The following ITPR2 variants were observed in gnomAD, a reference collection of about 807,000 sequenced individuals.
ITPR2 encodes inositol 1,4,5-trisphosphate receptor type 2.
A neutral mutation model predicts 317.1 loss-of-function variants in ITPR2; 207 were observed. The observed-to-expected ratio is 0.65, with a 90% CI of 0.58 to 0.73. The LOEUF is 0.73. ITPR2 is among the 30% of genes least tolerant of loss of function. The pLI is 0.00. For missense variants in ITPR2, 2,613 were observed against 3,284.0 expected (o/e 0.80, Z 4.99); for synonymous variants, 1,156 against 1,149.1 (o/e 1.01, Z -0.12).
At chr12:26,540,116 C>G (rs1470172699) in intron 37 of ITPR2, among the ~76,000 whole-genome samples, 1 of 152,196 alleles carries the variant, frequency 6.6e-6, no homozygotes, top group Non-Finnish European at 1.5e-5. Context: ...CTCCTAGATT[C>G]TCAGCACTGA....
rs150495475 is a variant in ITPR2 at position 26,513,542 on chromosome 12, C to CCTCTCT, written c.5074-18288_5074-18283dup. 1.1e-4 allele frequency among the ~76,000 whole-genome samples: 17 copies of CCTCTCT among 150,016 alleles called. 1 individual carries two copies. The highest frequency in any genetic ancestry group is 8.0e-4 in the Admixed American group (12 of 15,094). On this transcript the variant is annotated intron_variant, in intron 37 of 56. Coordinates refer to ENST00000381340, the MANE Select transcript of ITPR2 (RefSeq NM_002223.4). ...CTCTTCCTCGGATACTTTGTTCAGA[C>CCTCTCT]CTCTCTCTCTCTCTCTGCAGAAACC... is the stretch of plus-strand genomic sequence containing the variant.
At chr12:26,556,480 C>T (rs1440231588) in intron 35 of ITPR2, 105 bp from the exon 36 acceptor site, 4 of 1,030,810 alleles carry the variant, frequency 3.9e-6, no homozygotes, top group African/African-American at 3.3e-5. Context: ...TATAGATGCC[C>T]CTCTATTTCC....
chr12:26,457,135 T>C (rs1240504320), intron 45 of ITPR2, among the ~76,000 whole-genome samples: 2 of 152,186 alleles, frequency 1.3e-5, no homozygotes, highest in African/African-American at 4.8e-5. Flanking sequence ...TCTATCAAAA[T>C]GTGCAAGTGC....
At chr12:26,748,214 A>G (rs1005695521) in intron 2 of ITPR2, among the ~76,000 whole-genome samples, 3 of 151,928 alleles carry the variant, frequency 2.0e-5, no homozygotes, top group African/African-American at 4.8e-5. Flanking sequence ...ACCTGCCACC[A>G]CACTCGACTA....
chr12:26,360,483 C>T (rs993764184), intron 55 of ITPR2, among the ~76,000 whole-genome samples: 1 of 152,198 alleles, frequency 6.6e-6, no homozygotes, highest in Non-Finnish European at 1.5e-5. Flanking sequence ...CTTTGCCATA[C>T]TTTGTGCTTG....
intron 26 of ITPR2, among the ~76,000 whole-genome samples, chr12:26,608,664 G>A (rs996702221): frequency 1.3e-5 from 2 of 152,148 alleles, no homozygotes; most frequent in Non-Finnish European, 2.9e-5. Context: ...AGTCTGTGAA[G>A]TGAGGGGCCC....
intron 37 of ITPR2, among the ~76,000 whole-genome samples, chr12:26,525,160 GA>G (rs1427856473): frequency 6.6e-6 from 1 of 152,112 alleles, no homozygotes; most frequent in African/African-American, 2.4e-5. Context: ...GTAAAATATG[GA>G]TATCACTACC....
In ITPR2 at chr12:26,676,813, A is replaced by G. The variant is rs552920750; in HGVS notation, c.1409+5061T>C. Among the ~76,000 whole-genome samples, 16 of 152,288 alleles carry G rather than the reference A, an allele frequency of 1.1e-4. No homozygotes were observed. The East Asian group carries it at 3.1e-3, about 29-fold the overall frequency. On this transcript the variant is annotated intron_variant, in intron 13 of 56. Coordinates refer to ENST00000381340, the MANE Select transcript of ITPR2 (RefSeq NM_002223.4). ...AAAGATGTTTCTTTGTCTTAAAAAA[A>G]GGAACAAAATTTATCAGTAAAAACA...
At chr12:26,676,611 A>G (rs1012274316) in intron 13 of ITPR2, among the ~76,000 whole-genome samples, 2 of 152,092 alleles carry the variant, frequency 1.3e-5, no homozygotes, top group Admixed American at 6.6e-5. Flanking sequence ...AAGAGAAAGA[A>G]CAAGTGAGAT....
At chr12:26,448,415 A>G (rs1941663391) in intron 45 of ITPR2, among the ~76,000 whole-genome samples, 2 of 152,134 alleles carry the variant, frequency 1.3e-5, no homozygotes, top group African/African-American at 4.8e-5. Context: ...TTCCACAACA[A>G]TATGAGCCAA....
chr12:26,392,670 C>T (rs963031135), intron 54 of ITPR2, among the ~76,000 whole-genome samples: 6 of 152,146 alleles, frequency 3.9e-5, no homozygotes, highest in East Asian at 1.9e-4. Flanking sequence ...AAAACTTGAA[C>T]GGGCTTGATG....
At chr12:26,362,910 T>C (rs1938882334) in intron 55 of ITPR2, among the ~76,000 whole-genome samples, 1 of 152,140 alleles carries the variant, frequency 6.6e-6, no homozygotes, top group African/African-American at 2.4e-5. Context: ...TATTCTCTCA[T>C]GAACCCTATG....
chr12:26,379,457 GA>G, intron 55 of ITPR2, among the ~76,000 whole-genome samples: 1 of 152,238 alleles, frequency 6.6e-6, no homozygotes, highest in East Asian at 1.9e-4. Context: ...TGATTTTATT[GA>G]ATCCTCATAG....
In ITPR2 at chr12:26,666,163, T is replaced by TAGATAGATAGA; in HGVS notation, c.1410-113_1410-112insTCTATCTATCT. Reference sequence around the variant, plus strand: ...ATAGATAGATAGATAGATAGATAGATTTTTTTTTACTTTTTCTTCAGGAGT... The same window carrying TAGATAGATAGA: ...ATAGATAGATAGATAGATAGATAGATAGATAGATAGATTTTTTTTACTTTTTCTTCAGGAGT... On this transcript the variant is annotated intron_variant, in intron 13 of 56. Coordinates refer to ENST00000381340, the MANE Select transcript of ITPR2 (RefSeq NM_002223.4). 2.4e-4 allele frequency: 99 copies of TAGATAGATAGA among 411,826 alleles called. 8 individuals carry two copies. The highest frequency in any genetic ancestry group is 8.5e-4 in the South Asian group (21 of 24,832). The allele number at this position is 411,826 out of a possible 1,614,324, so 25.5% of individuals were successfully genotyped here.
chr12:26,455,936 T>A (rs1941873055), intron 45 of ITPR2, among the ~76,000 whole-genome samples: 1 of 152,216 alleles, frequency 6.6e-6, no homozygotes, highest in Admixed American at 6.5e-5. Context: ...AATATTAACA[T>A]AACATAAAGA....
At chr12:26,445,310 T>C (rs1941582967) in intron 45 of ITPR2, among the ~76,000 whole-genome samples, 1 of 152,156 alleles carries the variant, frequency 6.6e-6, no homozygotes, top group South Asian at 2.1e-4. Flanking sequence ...GTTGGATTTG[T>C]CTGTCAGGAA....
intron 13 of ITPR2, among the ~76,000 whole-genome samples, chr12:26,671,690 C>T (rs1947776181): frequency 1.3e-5 from 2 of 151,878 alleles, no homozygotes. Flanking sequence ...ATCAAATTCA[C>T]ACATAACAAT....
At chr12:26,555,824 T>C (rs548392028) in intron 36 of ITPR2, among the ~76,000 whole-genome samples, 1 of 152,308 alleles carries the variant, frequency 6.6e-6, no homozygotes, top group East Asian at 1.9e-4. Context: ...GATAAAATAA[T>C]AGTTAAACAC....
At chr12:26,669,393 G>A (rs145838452) in intron 13 of ITPR2, among the ~76,000 whole-genome samples, 71 of 152,162 alleles carry the variant, frequency 4.7e-4, no homozygotes, top group African/African-American at 1.4e-3. Context: ...GCAGGAAAAC[G>A]GCTGAAAATT....
Sources: gnomAD v4.1 joint callset for allele counts (sites outside exome capture counted in the v4.1 genomes callset) on GRCh38, gnomAD v4.1.1 for gene constraint, MANE v1.5 for transcripts, NCBI Gene and HGNC (gene_info 2026-07-23, HGNC 2026-07-21) for gene names.